Variants in FAM20A observed in about 807,000 individuals in gnomAD.
FAM20A encodes FAM20A golgi associated secretory pathway pseudokinase, also known as pseudokinase FAM20A.
FAM20A carries 42 observed loss-of-function variants against 52.0 expected under a neutral mutation model. The ratio of observed to expected loss-of-function variants is 0.81; its 90% CI spans 0.63 to 1.04. The LOEUF (loss-of-function observed/expected upper bound fraction) is 1.04, where lower values mean the gene tolerates loss of function less well. Ranked by LOEUF, FAM20A falls within the 50% of genes least tolerant of loss-of-function variation. The pLI, the probability that FAM20A is intolerant of heterozygous loss-of-function variation, is 0.00. For missense variants in FAM20A, 742 were observed against 712.7 expected, an observed-to-expected ratio of 1.04 and a Z score of -0.47; for synonymous variants, 304 against 298.9, an observed-to-expected ratio of 1.02 and a Z score of -0.18.
chr17:68,598,945 C>T (rs1328081686), intron 1 of FAM20A, among the ~76,000 whole-genome samples: 2 of 152,162 alleles, frequency 1.3e-5, no homozygotes, highest in African/African-American at 2.4e-5. Flanking sequence ...TTGAAAATGA[C>T]AGTGTCTGAG....
rs1268747685 is a variant in FAM20A, at chr17:68,535,333, T to C, written c.*2144A>G. 3 of 454,026 alleles carry C rather than the reference T, an allele frequency of 6.6e-6. No individual in the cohort carries two copies. Among genetic ancestry groups the C allele is most frequent in the African/African-American group, 4.0e-5 (2 of 50,012 alleles). 28.1% of individuals were successfully genotyped at this position (454,026 alleles called of 1,614,324 possible). On this transcript the variant is annotated 3_prime_UTR_variant, in exon 11 of 11. Transcript: ENST00000592554. ...GGTGAAATTCAAGCCTATTGCTTTC[T>C]GTTTGTAGAGTGCAGCAAAATGTGT...
intron 4 of FAM20A, among the ~76,000 whole-genome samples, chr17:68,546,438 G>A (rs1428309797): frequency 1.3e-5 from 2 of 151,980 alleles, no homozygotes; most frequent in East Asian, 3.9e-4. Context: ...CATCTAGAAT[G>A]GAGACTCCTT....
intron 1 of FAM20A, among the ~76,000 whole-genome samples, chr17:68,575,624 T>A (rs1413574299): frequency 3.6e-5 from 4 of 111,484 alleles, no homozygotes; most frequent in Non-Finnish European, 6.8e-5. Flanking sequence ...ATATTATATA[T>A]AAAATATAAT....
chr17:68,594,812 C>T (rs2088410141), intron 1 of FAM20A, among the ~76,000 whole-genome samples: 1 of 152,204 alleles, frequency 6.6e-6, no homozygotes, highest in African/African-American at 2.4e-5. Context: ...ATCTCACTTC[C>T]TCTCCTGTGA....
chr17:68,537,349 A>T lies in FAM20A; in HGVS notation c.*128T>A, dbSNP rs887659282. On this transcript the variant is annotated 3_prime_UTR_variant, in exon 11 of 11. Coordinates refer to ENST00000592554, the MANE Select transcript of FAM20A (RefSeq NM_017565.4). The surrounding 1 kb of genome is among the most constrained non-coding windows in gnomAD (Gnocchi z 4.2). ...TGGGCCCCACTTGCTGTTTGAGAAAATGTCCTGCTTCCTTCCTAGCTGACT... is the reference window on the plus strand; with the variant it reads ...TGGGCCCCACTTGCTGTTTGAGAAATTGTCCTGCTTCCTTCCTAGCTGACT... 1.8e-5 allele frequency: 22 copies of T among 1,216,048 alleles called. No individual in the cohort carries two copies. The highest frequency in any genetic ancestry group is 2.4e-5 in the Non-Finnish European group (20 of 838,862). 75.3% of individuals were successfully genotyped at this position (1,216,048 alleles called of 1,614,324 possible). A position where few individuals can be genotyped will look rare whatever the true frequency, so the allele number is the denominator to read the frequency against.
chr17:68,554,923 G>T, intron 2 of FAM20A, 96 bp from the exon 3 acceptor site: 1 of 1,304,590 alleles, frequency 7.7e-7, no homozygotes, highest in South Asian at 1.2e-5. Context: ...GATCACCAGA[G>T]GGGAGACTGT....
At chr17:68,571,515 A>C (rs777869882) in intron 1 of FAM20A, among the ~76,000 whole-genome samples, 19 of 152,188 alleles carry the variant, frequency 1.2e-4, no homozygotes, top group Non-Finnish European at 2.5e-4. Flanking sequence ...CATTTAATAC[A>C]TTTCCAAGAG....
At position 68,577,201 on chromosome 17, in the gene FAM20A, C is replaced by T. The variant is rs563645391; in HGVS notation, c.405-21458G>A. On this transcript the variant is annotated intron_variant, in intron 1 of 10. Coordinates refer to ENST00000592554, the MANE Select transcript of FAM20A (RefSeq NM_017565.4). ...AAGGCTTGCAGAAGTCCTGCCATGA[C>T]GGCTCCTGCTCAGAGGACATCTCTT... Among the ~76,000 whole-genome samples the T allele has an allele frequency of 5.9e-5, 9 of 152,360 alleles. No individual in the cohort carries two copies. In the South Asian group the frequency reaches 6.2e-4, roughly 11 times the overall value.
At chr17:68,552,046 C>T (rs1422869130) in intron 3 of FAM20A, 95 bp from the exon 4 acceptor site, 1 of 787,268 alleles carries the variant, frequency 1.3e-6, no homozygotes, top group Non-Finnish European at 2.2e-6. Context: ...ACTTCGCTTT[C>T]CTCTTATGTA....
intron 3 of FAM20A, among the ~76,000 whole-genome samples, chr17:68,553,998 A>ACATATG (rs2086966998): frequency 2.2e-5 from 3 of 133,940 alleles, no homozygotes; most frequent in African/African-American, 9.1e-5. Flanking sequence ...ACATATACAC[A>ACATATG]CATATATGCA....
intron 1 of FAM20A, among the ~76,000 whole-genome samples, chr17:68,594,324 G>A (rs1018996682): frequency 2.6e-5 from 4 of 151,808 alleles, no homozygotes; most frequent in Admixed American, 1.3e-4. Flanking sequence ...GCGTGAACCC[G>A]GGAGGCGGAG....
At chr17:68,595,155 G>A (rs1377238147) in intron 1 of FAM20A, among the ~76,000 whole-genome samples, 1 of 152,232 alleles carries the variant, frequency 6.6e-6, no homozygotes, top group Non-Finnish European at 1.5e-5. Context: ...TAGCCACTTG[G>A]GTTCTCAGGA....
In FAM20A at chr17:68,539,384, G is replaced by A. The variant is rs78050433; in HGVS notation, c.1314C>T (p.His438=). The change falls in exon 10 of 11, where the codon CAC becomes CAT. Residue 438 remains histidine (H), a synonymous_variant. Transcript: ENST00000592554. The part of the protein sequence containing the change: ...HLDNARGFGR[H]SHDEISILSP... ...AGAGGATGGAGATTTCATCATGGGAGTGTCGTCCGAACCTAGGAGGAGAAA... is the reference window on the plus strand; with the variant it reads ...AGAGGATGGAGATTTCATCATGGGAATGTCGTCCGAACCTAGGAGGAGAAA... 1.2e-3 allele frequency: 2,003 copies of A among 1,614,182 alleles called. 2 individuals carry two copies. The highest frequency in any genetic ancestry group is 1.6e-3 in the Non-Finnish European group (1,922 of 1,180,016).
chr17:68,545,375 G>A (rs555646990), intron 4 of FAM20A, among the ~76,000 whole-genome samples: 1 of 152,316 alleles, frequency 6.6e-6, no homozygotes, highest in South Asian at 2.1e-4. Flanking sequence ...TGGCAATAAA[G>A]TCATTCATGC....
rs59251979 is a variant in FAM20A at position 68,568,916 on chromosome 17, A to G, written c.405-13173T>C. 5.5e-5 allele frequency among the ~76,000 whole-genome samples: 8 copies of G among 146,168 alleles called. No homozygotes were observed. The East Asian group carries it at 8.4e-4, about 15-fold the overall frequency. On this transcript the variant is annotated intron_variant, in intron 1 of 10. Coordinates refer to ENST00000592554, the MANE Select transcript of FAM20A (RefSeq NM_017565.4). ...ATATATTTTGGGTAGGGGTGGGAGC[A>G]GGGGTGGGGAGTTTCTAACAGAATA...
chr17:68,580,579 G>A (rs2087914283), intron 1 of FAM20A, among the ~76,000 whole-genome samples: 1 of 152,220 alleles, frequency 6.6e-6, no homozygotes, highest in Admixed American at 6.5e-5. Context: ...TGGGGCTTCT[G>A]AGCTGGAGTG....
In FAM20A at chr17:68,536,797, T is replaced by C. The variant is rs1008736859; in HGVS notation, c.*680A>G. 1.1e-5 allele frequency: 5 copies of C among 454,004 alleles called. No homozygotes were observed. The highest frequency in any genetic ancestry group is 4.0e-5 in the African/African-American group (2 of 49,976). 28.1% of individuals were successfully genotyped at this position (454,004 alleles called of 1,614,324 possible). ...TGGCTGCTTAGTGTGACATATTTGA[T>C]GTTATTTCAATTGTAATACTCTTCA... On this transcript the variant is annotated 3_prime_UTR_variant, in exon 11 of 11. Coordinates refer to ENST00000592554, the MANE Select transcript of FAM20A (RefSeq NM_017565.4).
intron 7 of FAM20A, 123 bp from the exon 8 acceptor site, chr17:68,541,081 G>T: frequency 1.4e-6 from 2 of 1,463,862 alleles, no homozygotes; most frequent in Non-Finnish European, 1.8e-6. Flanking sequence ...GCTGGTGGCA[G>T]CTTCTAAAAT....
intron 1 of FAM20A, among the ~76,000 whole-genome samples, chr17:68,574,451 T>C (rs1347704551): frequency 6.6e-6 from 1 of 152,160 alleles, no homozygotes; most frequent in Non-Finnish European, 1.5e-5. Context: ...GATCCATAAA[T>C]GAGTTAATCC....
Sources: gnomAD v4.1 joint callset for allele counts (sites outside exome capture counted in the v4.1 genomes callset) on GRCh38, gnomAD v4.1.1 for gene constraint, Gnocchi (gnomAD v3.1) non-coding constraint, MANE v1.5 for transcripts, NCBI Gene and HGNC (gene_info 2026-07-23, HGNC 2026-07-21) for gene names.